The following TFB1M variants were observed in gnomAD, a reference collection of about 807,000 sequenced individuals.
TFB1M encodes the protein transcription factor B1, mitochondrial, also known as dimethyladenosine transferase 1, mitochondrial.
Under a neutral mutation model 31.1 loss-of-function variants are expected in TFB1M, and 27 were observed. That is an observed-to-expected ratio of 0.87 (90% CI 0.64 to 1.20). The LOEUF (loss-of-function observed/expected upper bound fraction) is 1.20. Among genes scored for constraint, TFB1M ranks in the 50% most tolerant of loss-of-function variants. The pLI, the probability that TFB1M is intolerant of heterozygous loss-of-function variation, is 0.00. For synonymous variants in TFB1M, 166 were observed against 151.8 expected (o/e 1.09, Z -0.69); for missense variants, 394 against 418.7 (o/e 0.94, Z 0.51).
intron 4 of TFB1M, among the ~76,000 whole-genome samples, chr6:155,286,819 A>G (rs12213806): frequency 0.13 from 19,454 of 151,716 alleles, 1,538 homozygotes; most frequent in Non-Finnish European, 0.19. Flanking sequence ...CTCAACAACA[A>G]TAACAACAAA....
chr6:155,295,683 A>C (rs944488360), intron 4 of TFB1M, among the ~76,000 whole-genome samples: 1 of 152,184 alleles, frequency 6.6e-6, no homozygotes, highest in African/African-American at 2.4e-5. Flanking sequence ...TTCCATATCC[A>C]TGGATCCAAC....
At chr6:155,307,403 T>G (rs1273596353) in intron 2 of TFB1M, among the ~76,000 whole-genome samples, 1 of 151,940 alleles carries the variant, frequency 6.6e-6, no homozygotes, top group African/African-American at 2.4e-5. Context: ...GCAAGTCACA[T>G]CCTACGTGGA....
chr6:155,276,081 G>A lies in TFB1M; in HGVS notation c.666+9077C>T, dbSNP rs199712922. 4.3e-4 allele frequency: 692 copies of A among 1,614,048 alleles called. 1 individual carries two copies. Among genetic ancestry groups the A allele is most frequent in the Non-Finnish European group, 5.5e-4 (645 of 1,180,056 alleles). Reference sequence around the variant, plus strand: ...ACCAAGAGCCATGCTTCCTTTGCTGGAGGAGTCTGTTTCATGTCTGCAGGA... The same window carrying A: ...ACCAAGAGCCATGCTTCCTTTGCTGAAGGAGTCTGTTTCATGTCTGCAGGA... On this transcript the variant is annotated intron_variant, in intron 5 of 6. Coordinates refer to ENST00000367166, the MANE Select transcript of TFB1M (RefSeq NM_016020.4).
the TFB1M span, among the ~76,000 whole-genome samples, chr6:155,231,465 C>T: frequency 6.6e-6 from 1 of 152,162 alleles, no homozygotes; most frequent in African/African-American, 2.4e-5. Flanking sequence ...AATGGTTTGT[C>T]CTCAACTTTA....
Position 155,260,349 on chromosome 6 carries a change from G to A in TFB1M, c.718C>T (p.Gln240Ter). 2 of 1,614,182 alleles carry A rather than the reference G, an allele frequency of 1.2e-6. No individual in the cohort carries two copies. The highest frequency in any genetic ancestry group is 8.5e-7 in the Non-Finnish European group (1 of 1,180,016). Residue 240 changes from glutamine (Q) to a stop codon, truncating the protein, a stop_gained, in exon 6 of 7, where the codon CAG (glutamine) becomes TAG (stop). Transcript: ENST00000367166. LOFTEE classifies it high-confidence loss of function. The part of the protein sequence containing the change: ...FTPLIQPKIE[Q>*]PFKLVEKVVQ... ...ACTTTTTCCACCAGCTTGAATGGCT[G>A]CTCTATCTTGGGCTGTATCAAGGGA...
intron 5 of TFB1M, among the ~76,000 whole-genome samples, chr6:155,263,593 C>G (rs560617424): frequency 6.6e-6 from 1 of 152,154 alleles, no homozygotes; most frequent in South Asian, 2.1e-4. Flanking sequence ...GTTATCAGCT[C>G]AGAGCAGCAC....
chr6:155,278,645 T>G (rs1308798192), intron 5 of TFB1M, among the ~76,000 whole-genome samples: 1 of 152,184 alleles, frequency 6.6e-6, no homozygotes, highest in East Asian at 1.9e-4. Context: ...AGAGGTGACA[T>G]AAGTTCCCTA....
the TFB1M span, among the ~76,000 whole-genome samples, chr6:155,231,909 T>C: frequency 6.6e-6 from 1 of 152,162 alleles, no homozygotes; most frequent in African/African-American, 2.4e-5. Context: ...ACTGAAACCC[T>C]GTCTCTACTA....
chr6:155,256,754 A>G lies in TFB1M; in HGVS notation c.*1082T>C, dbSNP rs776622253. The G allele has an allele frequency of 3.7e-6, 6 of 1,614,226 alleles. No homozygotes were observed. The highest frequency in any genetic ancestry group is 1.7e-5 in the Admixed American group (1 of 60,034). On this transcript the variant is annotated 3_prime_UTR_variant, in exon 7 of 7. Coordinates refer to ENST00000367166, the MANE Select transcript of TFB1M (RefSeq NM_016020.4). ...GATGATGACCACCGTCAGACTGTGA[A>G]GCAGGGCAGCCCTACTAAAGACATC...
intron 2 of TFB1M, among the ~76,000 whole-genome samples, chr6:155,305,702 T>A (rs1450885363): frequency 6.5e-5 from 4 of 61,816 alleles, no homozygotes; most frequent in East Asian, 1.5e-3. Context: ...TATATATAAA[T>A]ATATATTAAA....
intron 5 of TFB1M, among the ~76,000 whole-genome samples, chr6:155,276,781 T>C (rs183789531): frequency 2.6e-5 from 4 of 152,364 alleles, no homozygotes; most frequent in Admixed American, 6.5e-5. Context: ...TGCTATCTGG[T>C]TGGCAACAAC....
chr6:155,268,570 A>G (rs1381315074), intron 5 of TFB1M, among the ~76,000 whole-genome samples: 1 of 152,260 alleles, frequency 6.6e-6, no homozygotes, highest in Non-Finnish European at 1.5e-5. Context: ...GATTAACATC[A>G]CTAAGCAACA....
At chr6:155,276,708 G>A (rs1266812069) in intron 5 of TFB1M, among the ~76,000 whole-genome samples, 3 of 152,134 alleles carry the variant, frequency 2.0e-5, no homozygotes, top group Non-Finnish European at 1.5e-5. Context: ...TTTTATAAAA[G>A]AACTAAACTG....
In TFB1M at chr6:155,257,190, CAAAAAAAAAAA is replaced by C; in HGVS notation, c.*635_*645del. ...TAAACTGGTGGTAAAGTGGAAATTG[CAAAAAAAAAAA>C]AAAAAAAAAACTGTTCATTCCTGGG... is the stretch of plus-strand genomic sequence containing the variant. On this transcript the variant is annotated 3_prime_UTR_variant, in exon 7 of 7. Coordinates refer to ENST00000367166, the MANE Select transcript of TFB1M (RefSeq NM_016020.4). 5.5e-6 allele frequency: 3 copies of C among 543,898 alleles called. No homozygotes were observed. Among genetic ancestry groups the C allele is most frequent in the South Asian group, 4.5e-5 (2 of 44,058 alleles). 33.7% of individuals were successfully genotyped at this position (543,898 alleles called of 1,614,324 possible). A position where few individuals can be genotyped will look rare whatever the true frequency, so the allele number is the denominator to read the frequency against.
chr6:155,275,604 T>A, intron 5 of TFB1M: 1 of 1,117,680 alleles, frequency 8.9e-7, no homozygotes, highest in Non-Finnish European at 1.3e-6. Context: ...TGGTTTTGCC[T>A]TTTTTCCTTA....
chr6:155,244,666 A>C, the TFB1M span: 1 of 1,613,960 alleles, frequency 6.2e-7, no homozygotes, highest in Non-Finnish European at 8.5e-7. Flanking sequence ...AGATGGAGTC[A>C]CTTTTTGGAA....
In TFB1M at chr6:155,285,232, C is replaced by G; in HGVS notation, c.592G>C (p.Val198Leu). The change falls in exon 5 of 7, where the codon GTT becomes CTT. Residue 198 changes from valine (V) to leucine (L), a missense_variant. Around this residue, in one of 3 missense-constraint regions of TFB1M, gnomAD observed 273 missense variants for 256.4 expected, o/e 1.06. Transcript: ENST00000367166. Reference protein sequence around the residue: ...TGSKQRSRLSVMAQYLCNVRH... With the variant: ...TGSKQRSRLSLMAQYLCNVRH... ...ACATTGCAGAGGTACTGAGCCATAA[C>G]AGAGAGGCGACTACGCTGTTTGCTT... 2 of 1,614,044 alleles carry G rather than the reference C, an allele frequency of 1.2e-6. No homozygotes were observed. Among genetic ancestry groups the G allele is most frequent in the African/African-American group, 1.3e-5 (1 of 75,050 alleles).
chr6:155,250,992 C>A, the TFB1M span: 2 of 1,614,016 alleles, frequency 1.2e-6, no homozygotes, highest in African/African-American at 2.7e-5. Flanking sequence ...CTAGGAAAAG[C>A]TAGAAAGGAC....
intron 5 of TFB1M, among the ~76,000 whole-genome samples, chr6:155,266,499 C>G (rs1457561195): frequency 6.6e-6 from 1 of 152,096 alleles, no homozygotes; most frequent in African/African-American, 2.4e-5. Context: ...TACAGCTCAC[C>G]AGGGGGGATG....
Sources: gnomAD v4.1 joint callset for allele counts (sites outside exome capture counted in the v4.1 genomes callset) on GRCh38, gnomAD v4.1.1 for gene constraint, gnomAD v4.1.1 regional missense constraint, MANE v1.5 for transcripts, NCBI Gene and HGNC (gene_info 2026-07-23, HGNC 2026-07-21) for gene names.